The following EPHA6 variants were observed in gnomAD, a reference collection of about 807,000 sequenced individuals.
EPHA6 encodes the protein ephrin type-A receptor 6.
In EPHA6, 50 loss-of-function variants were observed where a neutral mutation model predicts 112.0. The ratio of observed to expected loss-of-function variants is 0.45; its 90% CI spans 0.36 to 0.56. EPHA6 has a LOEUF of 0.56. Among genes scored for constraint, EPHA6 ranks in the 20% least tolerant of loss-of-function variants. EPHA6 has a pLI of 0.00. For missense variants in EPHA6, 1,280 were observed against 1,417.4 expected (o/e 0.90, Z 1.56); for synonymous variants, 529 against 490.7 (o/e 1.08, Z -1.03).
intron 6 of EPHA6, among the ~76,000 whole-genome samples, chr3:97,415,721 C>T (rs1019669259): frequency 6.6e-6 from 1 of 151,970 alleles, no homozygotes; most frequent in Non-Finnish European, 1.5e-5. Flanking sequence ...ATTCATGAAC[C>T]GTGTCTGATT....
At chr3:97,641,981 G>T (rs1364879318) in intron 14 of EPHA6, among the ~76,000 whole-genome samples, 1 of 149,504 alleles carries the variant, frequency 6.7e-6, no homozygotes, top group African/African-American at 2.5e-5. Context: ...TCCACCTCTG[G>T]TGTCAGGGCA....
At chr3:97,671,027 G>T (rs949279001) in intron 14 of EPHA6, among the ~76,000 whole-genome samples, 4 of 152,022 alleles carry the variant, frequency 2.6e-5, no homozygotes, top group African/African-American at 9.7e-5. Context: ...CTTCTGTCAG[G>T]ATCCTTGGTG....
At chr3:96,996,051 C>G (rs1283242267) in intron 3 of EPHA6, among the ~76,000 whole-genome samples, 1 of 152,100 alleles carries the variant, frequency 6.6e-6, no homozygotes, top group African/African-American at 2.4e-5. Flanking sequence ...GCTTTATCAA[C>G]TAAGTTGAAA....
intron 7 of EPHA6, among the ~76,000 whole-genome samples, chr3:97,458,007 G>T (rs930641647): frequency 2.2e-5 from 3 of 135,006 alleles, no homozygotes; most frequent in Admixed American, 8.5e-5. Flanking sequence ...GGCGGAGCTT[G>T]CAGTGAGCCG....
intron 5 of EPHA6, among the ~76,000 whole-genome samples, chr3:97,318,216 A>G (rs1352951297): frequency 2.6e-5 from 4 of 152,002 alleles, no homozygotes; most frequent in African/African-American, 7.3e-5. Flanking sequence ...GATGACAACT[A>G]TAGGAGGACA....
At chr3:96,831,443 T>G (rs1379729875) in intron 1 of EPHA6, among the ~76,000 whole-genome samples, 1 of 152,086 alleles carries the variant, frequency 6.6e-6, no homozygotes, top group Non-Finnish European at 1.5e-5. Context: ...TAAGAATTGT[T>G]GCAGAACTTG....
intron 3 of EPHA6, among the ~76,000 whole-genome samples, chr3:97,005,455 C>G (rs1271609182): frequency 6.6e-6 from 1 of 152,110 alleles, no homozygotes; most frequent in Admixed American, 6.6e-5. Flanking sequence ...GTGAGTTTTG[C>G]ACATTGATTT....
At chr3:97,583,024 G>A (rs2093454024) in intron 11 of EPHA6, among the ~76,000 whole-genome samples, 1 of 149,862 alleles carries the variant, frequency 6.7e-6, no homozygotes, top group Non-Finnish European at 1.5e-5. Flanking sequence ...CTACAAACAG[G>A]CAGATGCAGC....
chr3:97,541,976 C>G (rs1269182789), intron 11 of EPHA6, among the ~76,000 whole-genome samples: 1 of 151,634 alleles, frequency 6.6e-6, no homozygotes, highest in Non-Finnish European at 1.5e-5. Flanking sequence ...CAAGGAGAGC[C>G]AATCTGAGTG....
intron 14 of EPHA6, chr3:97,648,327 A>C (rs368314437): frequency 1.3e-6 from 2 of 1,515,818 alleles, no homozygotes; most frequent in Non-Finnish European, 1.8e-6. Context: ...GCTATTCTGC[A>C]TAAATTCTGA....
chr3:97,188,647 C>T (rs995758529), intron 3 of EPHA6, among the ~76,000 whole-genome samples: 3 of 151,110 alleles, frequency 2.0e-5, no homozygotes, highest in Non-Finnish European at 4.4e-5. Context: ...TGAAATATTT[C>T]TTAAATAAAG....
At chr3:96,967,388 CT>C (rs1245574104) in intron 2 of EPHA6, among the ~76,000 whole-genome samples, 1 of 150,774 alleles carries the variant, frequency 6.6e-6, no homozygotes, top group Non-Finnish European at 1.5e-5. Flanking sequence ...ATTATGAATA[CT>C]TTTCCAAGTC....
intron 3 of EPHA6, among the ~76,000 whole-genome samples, chr3:97,149,516 G>A (rs997971851): frequency 2.0e-5 from 3 of 151,924 alleles, no homozygotes; most frequent in African/African-American, 7.3e-5. Context: ...TATGCTGAAT[G>A]TGACCTTATT....
At chr3:97,226,196 T>C (rs1448435420) in intron 3 of EPHA6, 68 bp from the exon 4 acceptor site, 2 of 1,309,032 alleles carry the variant, frequency 1.5e-6, no homozygotes, top group South Asian at 1.5e-5. Context: ...TTAAAGTATG[T>C]TGTACATGTA....
intron 1 of EPHA6, among the ~76,000 whole-genome samples, chr3:96,860,166 A>C (rs2035928608): frequency 6.6e-6 from 1 of 152,156 alleles, no homozygotes; most frequent in South Asian, 2.1e-4. Flanking sequence ...ACATTTCTTG[A>C]CTGCTTAGGT....
At chr3:97,636,045 A>G (rs1345191990) in intron 13 of EPHA6, among the ~76,000 whole-genome samples, 1 of 152,118 alleles carries the variant, frequency 6.6e-6, no homozygotes, top group African/African-American at 2.4e-5. Context: ...AAATTAAGTG[A>G]GGAGCTGTGC....
chr3:97,220,820 T>C (rs989112567), intron 3 of EPHA6, among the ~76,000 whole-genome samples: 14 of 152,166 alleles, frequency 9.2e-5, no homozygotes, highest in Admixed American at 1.3e-4. Context: ...GCAAAAAGGC[T>C]AAACTCTTAC....
intron 5 of EPHA6, among the ~76,000 whole-genome samples, chr3:97,361,168 A>G (rs758082899): frequency 3.9e-5 from 6 of 152,228 alleles, no homozygotes; most frequent in African/African-American, 9.6e-5. Flanking sequence ...TTATAGCACA[A>G]TCTAGGCAGC....
intron 14 of EPHA6, among the ~76,000 whole-genome samples, chr3:97,703,099 A>G (rs578258939): frequency 1.3e-5 from 2 of 152,164 alleles, no homozygotes; most frequent in African/African-American, 4.8e-5. Context: ...CTCGGGAAGC[A>G]TTTCTGACAG....
Sources: gnomAD v4.1 joint callset for allele counts (sites outside exome capture counted in the v4.1 genomes callset) on GRCh38, gnomAD v4.1.1 for gene constraint, MANE v1.5 for transcripts, NCBI Gene and HGNC (gene_info 2026-07-23, HGNC 2026-07-21) for gene names.